The following TMEM165 variants were observed in gnomAD, a reference collection of about 807,000 sequenced individuals.
TMEM165 encodes putative divalent cation/proton antiporter TMEM165.
In TMEM165, 19 loss-of-function variants were observed where a neutral mutation model predicts 30.0. The observed-to-expected ratio is 0.63, with a 90% CI of 0.44 to 0.93. The LOEUF (loss-of-function observed/expected upper bound fraction) is 0.93, where lower values mean the gene tolerates loss of function less well. Among genes scored for constraint, TMEM165 ranks in the 40% least tolerant of loss-of-function variants. TMEM165 has a pLI of 0.00. For missense variants in TMEM165, 340 were observed against 417.0 expected, an observed-to-expected ratio of 0.82 and a Z score of 1.61; for synonymous variants, 168 against 162.9, an observed-to-expected ratio of 1.03 and a Z score of -0.24.
intron 4 of TMEM165, among the ~76,000 whole-genome samples, chr4:55,419,071 A>G (rs979910148): frequency 4.6e-5 from 7 of 152,048 alleles, no homozygotes; most frequent in African/African-American, 1.7e-4. Flanking sequence ...AATATATAAA[A>G]AGAACAAAAA....
intron 1 of TMEM165, chr4:55,399,093 TAAAAAGAG>T (rs980677855): frequency 6.6e-6 from 1 of 152,078 alleles, no homozygotes; most frequent in Non-Finnish European, 1.5e-5. Context: ...AAGTTTTTTT[TAAAAAGAG>T]AAAAAGAGAA....
At chr4:55,433,519 C>G (rs1722659783) in intron 3 of TMEM165, 1 of 152,194 alleles carries the variant, frequency 6.6e-6, no homozygotes, top group Non-Finnish European at 1.5e-5. Context: ...CCTAGCAATT[C>G]TGCATTAGGT....
rs1002090554 is a variant in TMEM165 at position 55,425,860 on chromosome 4, T to C, written c.*408T>C. On this transcript the variant is annotated 3_prime_UTR_variant, in exon 6 of 6. Transcript: ENST00000381334. ...CTTGGGGAAAGAATGAATTAATTTC[T>C]ATTTCTTAAAACATTTCCCTGAGCC... The C allele has an allele frequency of 6.5e-6, 1 of 153,938 alleles. No individual in the cohort carries two copies. The highest frequency in any genetic ancestry group is 2.4e-5 in the African/African-American group (1 of 41,498). 9.5% of individuals were successfully genotyped at this position (153,938 alleles called of 1,614,324 possible). A position where few individuals can be genotyped will look rare whatever the true frequency, so the allele number is the denominator to read the frequency against.
At chr4:55,414,858 A>G (rs2109547946) in intron 2 of TMEM165, among the ~76,000 whole-genome samples, 1 of 152,252 alleles carries the variant, frequency 6.6e-6, no homozygotes. Context: ...TGAGGTAGGC[A>G]TTCCTGACTA....
chr4:55,435,995 C>T (rs1722849801), intron 3 of TMEM165, among the ~76,000 whole-genome samples: 1 of 152,134 alleles, frequency 6.6e-6, no homozygotes, highest in South Asian at 2.1e-4. Context: ...CAGGTTCGCT[C>T]AGCTGGTTAG....
Position 55,396,151 on chromosome 4 carries a change from C to T in TMEM165, c.-39C>T. On this transcript the variant is annotated 5_prime_UTR_variant, in exon 1 of 6. Transcript: ENST00000381334. Reference sequence around the variant, plus strand: ...CGAGGCTTCCCGTCGCCGGCACTTCCTCTTGCGGCGCCCGTGCGCGGCCGG... The same window carrying T: ...CGAGGCTTCCCGTCGCCGGCACTTCTTCTTGCGGCGCCCGTGCGCGGCCGG... 1 of 1,332,940 alleles carries T rather than the reference C, an allele frequency of 7.5e-7. No individual in the cohort carries two copies. The highest frequency in any genetic ancestry group is 1.6e-5 in the African/African-American group (1 of 64,508). The allele number at this position is 1,332,940 out of a possible 1,614,324, so 82.6% of individuals were successfully genotyped here.
At chr4:55,414,808 C>G (rs916019246) in intron 2 of TMEM165, among the ~76,000 whole-genome samples, 8 of 152,072 alleles carry the variant, frequency 5.3e-5, no homozygotes, top group African/African-American at 1.9e-4. Flanking sequence ...ATGGGCTGTT[C>G]CCCATTTTTT....
At chr4:55,452,992 T>G in exon 4 of TMEM165, 2 of 1,151,412 alleles carry the variant, frequency 1.7e-6, no homozygotes, top group Non-Finnish European at 2.5e-6. Context: ...TATTAATTAT[T>G]GAGTTTCATC....
chr4:55,410,885 C>T (rs1422031327), intron 1 of TMEM165, among the ~76,000 whole-genome samples: 2 of 152,112 alleles, frequency 1.3e-5, no homozygotes, highest in African/African-American at 2.4e-5. Context: ...GTAATCTCAG[C>T]ACTTTGGGAG....
intron 3 of TMEM165, among the ~76,000 whole-genome samples, chr4:55,441,741 G>A (rs1439708500): frequency 6.6e-6 from 1 of 151,928 alleles, no homozygotes; most frequent in African/African-American, 2.4e-5. Flanking sequence ...GTGGGGGTGA[G>A]GGATAAAAAA....
At chr4:55,449,974 C>T (rs1197644177) in intron 3 of TMEM165, 1 of 1,288,316 alleles carries the variant, frequency 7.8e-7, no homozygotes, top group Non-Finnish European at 1.1e-6. Flanking sequence ...TACTACATTT[C>T]AGAAATGTAA....
intron 1 of TMEM165, among the ~76,000 whole-genome samples, chr4:55,408,318 AT>A (rs1463962406): frequency 6.6e-6 from 1 of 152,144 alleles, no homozygotes; most frequent in African/African-American, 2.4e-5. Context: ...AATGATGGGG[AT>A]GTGTTCTGAG....
At chr4:55,422,431 T>C (rs1722019612) in intron 4 of TMEM165, among the ~76,000 whole-genome samples, 1 of 152,128 alleles carries the variant, frequency 6.6e-6, no homozygotes, top group South Asian at 2.1e-4. Flanking sequence ...CTAGTTTTTG[T>C]ATTTTTAGTA....
chr4:55,432,427 C>T lies in TMEM165; in HGVS notation c.408+7784C>T, dbSNP rs554169229. ...GTAGTTTCTTACCTAAAAAGTACCACCCAGAATAAGTGTTTTTAAGAAAGT... is the reference window on the plus strand; with the variant it reads ...GTAGTTTCTTACCTAAAAAGTACCATCCAGAATAAGTGTTTTTAAGAAAGT... On this transcript the variant is annotated intron_variant, in intron 3 of 3. Coordinates refer to the TMEM165 transcript ENST00000608091. The T allele has an allele frequency of 4.6e-5, 7 of 150,988 alleles. No individual in the cohort carries two copies. In the South Asian group the frequency reaches 1.5e-3, roughly 32 times the overall value. The allele number at this position is 150,988 out of a possible 1,614,324, so 9.4% of individuals were successfully genotyped here. A position where few individuals can be genotyped will look rare whatever the true frequency, so the allele number is the denominator to read the frequency against.
intron 1 of TMEM165, among the ~76,000 whole-genome samples, chr4:55,404,480 C>T (rs568858098): frequency 6.6e-6 from 1 of 152,030 alleles, no homozygotes; most frequent in Non-Finnish European, 1.5e-5. Flanking sequence ...GGCTGGAGTT[C>T]AGTGGCACAA....
chr4:55,446,483 A>G (rs900561282), intron 3 of TMEM165, among the ~76,000 whole-genome samples: 1 of 152,188 alleles, frequency 6.6e-6, no homozygotes, highest in African/African-American at 2.4e-5. Flanking sequence ...AGAATTACCC[A>G]AAGTTGCAAA....
chr4:55,453,295 A>G (rs949297562), exon 4 of TMEM165: 1 of 611,126 alleles, frequency 1.6e-6, no homozygotes, highest in Non-Finnish European at 2.9e-6. Context: ...TTTAACTTGC[A>G]TTTTTCTAGG....
chr4:55,448,768 C>A (rs755471953), intron 3 of TMEM165: 3 of 1,611,108 alleles, frequency 1.9e-6, no homozygotes, highest in Non-Finnish European at 2.5e-6. Flanking sequence ...GAAACAAAAA[C>A]CAAAAAGTAC....
intron 1 of TMEM165, 112 bp downstream of exon 1, chr4:55,396,508 C>A: frequency 2.1e-6 from 2 of 937,628 alleles, no homozygotes; most frequent in Non-Finnish European, 2.9e-6. Context: ...GGGAGGGGAG[C>A]CCGGCCCCTG....
Sources: gnomAD v4.1 joint callset for allele counts (sites outside exome capture counted in the v4.1 genomes callset) on GRCh38, gnomAD v4.1.1 for gene constraint, MANE v1.5 for transcripts, NCBI Gene and HGNC (gene_info 2026-07-23, HGNC 2026-07-21) for gene names.